Variants in KLF17 observed in about 807,000 individuals in gnomAD.
KLF17 encodes Krueppel-like factor 17.
Under a neutral mutation model 34.2 loss-of-function variants are expected in KLF17, and 31 were observed. The observed-to-expected ratio is 0.91, with a 90% CI of 0.68 to 1.22. The LOEUF is 1.22. Among genes scored for constraint, KLF17 ranks in the 50% most tolerant of loss-of-function variants. The pLI, the probability that KLF17 is intolerant of heterozygous loss-of-function variation, is 0.00. For synonymous variants in KLF17, 179 were observed against 186.7 expected (o/e 0.96, Z 0.34); for missense variants, 478 against 505.2 (o/e 0.95, Z 0.52).
the KLF17 span, among the ~76,000 whole-genome samples, chr1:44,084,747 G>A: frequency 2.7e-5 from 4 of 150,312 alleles, no homozygotes; most frequent in South Asian, 6.3e-4. Context: ...TGAGCAATGA[G>A]CACATTTAGA....
At chr1:44,055,454 A>G in the KLF17 span, among the ~76,000 whole-genome samples, 2 of 152,150 alleles carry the variant, frequency 1.3e-5, no homozygotes, top group Admixed American at 1.3e-4. Flanking sequence ...GTTTTTACTT[A>G]TGCCTAAGTG....
the KLF17 span, among the ~76,000 whole-genome samples, chr1:44,084,438 G>A: frequency 6.6e-6 from 1 of 152,078 alleles, no homozygotes; most frequent in South Asian, 2.1e-4. Flanking sequence ...AGCACTTTGG[G>A]AAGCCAAGGT....
At chr1:44,077,177 T>A in the KLF17 span, among the ~76,000 whole-genome samples, 1 of 151,886 alleles carries the variant, frequency 6.6e-6, no homozygotes, top group African/African-American at 2.4e-5. Context: ...AAACCCCGCC[T>A]CCACTAAAAA....
At chr1:44,096,385 A>AT in the KLF17 span, among the ~76,000 whole-genome samples, 2 of 142,890 alleles carry the variant, frequency 1.4e-5, no homozygotes, top group Non-Finnish European at 3.0e-5. Flanking sequence ...ATTGTTTTTT[A>AT]TTTTTATTAT....
chr1:44,107,264 C>T, the KLF17 span: 3 of 152,160 alleles, frequency 2.0e-5, no homozygotes, highest in Non-Finnish European at 4.4e-5. Flanking sequence ...GCCACCATGC[C>T]CAGCTAATTT....
the KLF17 span, among the ~76,000 whole-genome samples, chr1:44,077,417 A>G: frequency 1.5e-4 from 23 of 152,208 alleles, no homozygotes; most frequent in African/African-American, 5.3e-4. Flanking sequence ...GCTATATAAC[A>G]AATTACTCCA....
chr1:44,117,991 C>G (rs1213428531), upstream of KLF17, among the ~76,000 whole-genome samples: 1 of 152,220 alleles, frequency 6.6e-6, no homozygotes, highest in East Asian at 1.9e-4. Flanking sequence ...ATCCCTCTGT[C>G]CTCGTGTCAC....
chr1:44,068,866 A>G, the KLF17 span, among the ~76,000 whole-genome samples: 11 of 152,174 alleles, frequency 7.2e-5, no homozygotes, highest in Non-Finnish European at 1.5e-5. Flanking sequence ...CCCCTGGCCC[A>G]TCCCCTGTTG....
At chr1:44,100,660 G>T in the KLF17 span, among the ~76,000 whole-genome samples, 1 of 143,788 alleles carries the variant, frequency 7.0e-6, no homozygotes, top group African/African-American at 2.5e-5. Context: ...GTTTTGTTTT[G>T]TTCTTGTTTT....
the KLF17 span, among the ~76,000 whole-genome samples, chr1:44,107,686 G>C: frequency 6.6e-6 from 1 of 152,092 alleles, no homozygotes; most frequent in Admixed American, 6.6e-5. Flanking sequence ...TCGGTTATCA[G>C]ATCAACTGTT....
chr1:44,058,667 C>CTTTTTTTTTTT, the KLF17 span, among the ~76,000 whole-genome samples: 1 of 65,222 alleles, frequency 1.5e-5, no homozygotes, highest in Admixed American at 1.9e-4. Flanking sequence ...ATGGGAGGCC[C>CTTTTTTTTTTT]TTTTTTTTTT....
At chr1:44,075,621 G>C in the KLF17 span, among the ~76,000 whole-genome samples, 1 of 152,128 alleles carries the variant, frequency 6.6e-6, no homozygotes, top group African/African-American at 2.4e-5. Flanking sequence ...ATTTGGATTT[G>C]CCTTGCCAAT....
chr1:44,063,096 C>A, the KLF17 span, among the ~76,000 whole-genome samples: 1 of 152,046 alleles, frequency 6.6e-6, no homozygotes, highest in Admixed American at 6.6e-5. Flanking sequence ...CATGGGTGAA[C>A]CTTGCATAAT....
At chr1:44,119,656 G>T (rs751037602) in intron 1 of KLF17, among the ~76,000 whole-genome samples, 1 of 152,124 alleles carries the variant, frequency 6.6e-6, no homozygotes, top group Non-Finnish European at 1.5e-5. Flanking sequence ...TCTGTTCTGG[G>T]ACTAAAGAAC....
the KLF17 span, among the ~76,000 whole-genome samples, chr1:44,065,993 T>G: frequency 6.6e-6 from 1 of 152,240 alleles, no homozygotes; most frequent in South Asian, 2.1e-4. Flanking sequence ...TAGAATAAGA[T>G]ATCATTTACA....
At chr1:44,096,703 G>T in the KLF17 span, among the ~76,000 whole-genome samples, 49,262 of 151,506 alleles carry the variant, frequency 0.33, 8,148 homozygotes, top group South Asian at 0.38. Context: ...CCCAGCCTAC[G>T]GTTTTTAAAA....
chr1:44,104,218 G>C, the KLF17 span: 5 of 1,107,286 alleles, frequency 4.5e-6, no homozygotes, highest in Non-Finnish European at 6.9e-6. Flanking sequence ...ATCTCTGTAC[G>C]CTTATTGATC....
chr1:44,052,898 G>C, the KLF17 span, among the ~76,000 whole-genome samples: 1 of 151,640 alleles, frequency 6.6e-6, no homozygotes. Context: ...TGTGGCCTAG[G>C]CAGGATTTTT....
intron 3 of KLF17, among the ~76,000 whole-genome samples, chr1:44,131,058 G>A (rs1487020355): frequency 2.0e-5 from 3 of 152,312 alleles, no homozygotes; most frequent in Middle Eastern, 6.8e-3. Flanking sequence ...GCCTCCCAAA[G>A]TGCTGGGATT....
Sources: allele counts gnomAD v4.1 joint callset (sites outside exome capture counted in the v4.1 genomes callset), GRCh38; gene constraint gnomAD v4.1.1; transcripts MANE v1.5; gene names NCBI Gene and HGNC (gene_info 2026-07-23, HGNC 2026-07-21).